The following AKR1C8 variants were observed in gnomAD, a reference collection of about 807,000 sequenced individuals.
AKR1C8 encodes the protein aldo-keto reductase family 1 member C8.
At chr10:5,149,464 A>G in the AKR1C8 span, among the ~76,000 whole-genome samples, 1 of 152,144 alleles carries the variant, frequency 6.6e-6, no homozygotes, top group African/African-American at 2.4e-5. Flanking sequence ...ACTTTTAAAG[A>G]CCTTTCTATC....
At chr10:5,136,517 A>G in the AKR1C8 span, among the ~76,000 whole-genome samples, 1 of 152,188 alleles carries the variant, frequency 6.6e-6, no homozygotes, top group Non-Finnish European at 1.5e-5. Flanking sequence ...ACTGTATTCC[A>G]GTTTGCATGA....
the AKR1C8 span, among the ~76,000 whole-genome samples, chr10:5,150,982 T>C: frequency 6.6e-6 from 1 of 151,950 alleles, no homozygotes; most frequent in Non-Finnish European, 1.5e-5. Flanking sequence ...GACTCAGGGG[T>C]TGGAATTTTT....
At chr10:5,157,833 G>A in the AKR1C8 span, 2 of 452,098 alleles carry the variant, frequency 4.4e-6, no homozygotes, top group Non-Finnish European at 9.2e-6. Flanking sequence ...AGATGTGAAG[G>A]ATGCAGGATG....
the AKR1C8 span, among the ~76,000 whole-genome samples, chr10:5,116,362 C>T: frequency 6.6e-6 from 1 of 152,048 alleles, no homozygotes; most frequent in African/African-American, 2.4e-5. Flanking sequence ...TCTAGGCCAG[C>T]AGAAGGTGAA....
At chr10:5,116,073 G>T in the AKR1C8 span, among the ~76,000 whole-genome samples, 3 of 152,064 alleles carry the variant, frequency 2.0e-5, no homozygotes, top group Non-Finnish European at 4.4e-5. Context: ...AGTCCTGCTG[G>T]ATTGGGCTGT....
chr10:5,180,170 T>G, the AKR1C8 span, among the ~76,000 whole-genome samples: 9 of 152,280 alleles, frequency 5.9e-5, no homozygotes, highest in South Asian at 1.0e-3. Context: ...TGTCCTTTCT[T>G]TTTGTTAGTT....
At chr10:5,129,352 T>A in the AKR1C8 span, among the ~76,000 whole-genome samples, 1 of 151,910 alleles carries the variant, frequency 6.6e-6, no homozygotes, top group Non-Finnish European at 1.5e-5. Flanking sequence ...CAACCTAATA[T>A]CACACCTCTA....
chr10:5,185,024 A>G, the AKR1C8 span: 16 of 534,650 alleles, frequency 3.0e-5, no homozygotes, highest in East Asian at 5.5e-5. Flanking sequence ...GATCAGGAGC[A>G]TAAGTGCCAA....
the AKR1C8 span, among the ~76,000 whole-genome samples, chr10:5,134,110 T>C: frequency 6.6e-6 from 1 of 152,148 alleles, no homozygotes; most frequent in Non-Finnish European, 1.5e-5. Context: ...TTCAGAAGCT[T>C]TCTATTTTCA....
chr10:5,143,278 C>T, the AKR1C8 span, among the ~76,000 whole-genome samples: 1 of 152,182 alleles, frequency 6.6e-6, no homozygotes, highest in Non-Finnish European at 1.5e-5. Context: ...TACCCGTGGA[C>T]ATCAGAACTC....
chr10:5,136,044 G>A, the AKR1C8 span, among the ~76,000 whole-genome samples: 9 of 152,066 alleles, frequency 5.9e-5, no homozygotes, highest in Non-Finnish European at 1.2e-4. Flanking sequence ...TTTGTAATAT[G>A]GAAACAGTGC....
At chr10:5,136,193 G>A in the AKR1C8 span, among the ~76,000 whole-genome samples, 2 of 152,040 alleles carry the variant, frequency 1.3e-5, no homozygotes, top group Admixed American at 1.3e-4. Flanking sequence ...ACAATAAATT[G>A]GTGAATAATC....
At chr10:5,120,772 G>T in the AKR1C8 span, among the ~76,000 whole-genome samples, 3 of 151,872 alleles carry the variant, frequency 2.0e-5, no homozygotes, top group African/African-American at 2.4e-5. Context: ...TTTTTGGGGG[G>T]GACTGAATCT....
chr10:5,126,656 GA>G, the AKR1C8 span, among the ~76,000 whole-genome samples: 2 of 151,964 alleles, frequency 1.3e-5, no homozygotes, highest in African/African-American at 4.8e-5. Context: ...AAAATACTGG[GA>G]AAAAATTGAA....
the AKR1C8 span, among the ~76,000 whole-genome samples, chr10:5,116,136 C>T: frequency 6.6e-6 from 1 of 152,150 alleles, no homozygotes; most frequent in Admixed American, 6.6e-5. Context: ...AAGCGACGCC[C>T]TAATGCATAC....
the AKR1C8 span, among the ~76,000 whole-genome samples, chr10:5,147,533 T>C: frequency 6.7e-6 from 1 of 149,976 alleles, no homozygotes. Flanking sequence ...GGTAAAAAAT[T>C]AACCAAAAAA....
the AKR1C8 span, among the ~76,000 whole-genome samples, chr10:5,145,187 A>C: frequency 6.6e-6 from 1 of 152,186 alleles, no homozygotes; most frequent in Non-Finnish European, 1.5e-5. Flanking sequence ...TGATTTGCAT[A>C]TATCAATTCA....
the AKR1C8 span, among the ~76,000 whole-genome samples, chr10:5,174,130 A>G: frequency 2.6e-5 from 4 of 151,952 alleles, no homozygotes; most frequent in African/African-American, 9.7e-5. Context: ...TAGGCCCTAG[A>G]AACTGCACAT....
the AKR1C8 span, among the ~76,000 whole-genome samples, chr10:5,127,859 TGA>T: frequency 5.3e-5 from 8 of 152,012 alleles, no homozygotes; most frequent in Non-Finnish European, 1.0e-4. Flanking sequence ...AAAACTTACC[TGA>T]GAGAATAATT....
Sources: gnomAD v4.1 joint callset for allele counts (sites outside exome capture counted in the v4.1 genomes callset) on GRCh38, gnomAD v4.1.1 for gene constraint, MANE v1.5 for transcripts, NCBI Gene and HGNC (gene_info 2026-07-23, HGNC 2026-07-21) for gene names.